The following MEX3D variants were observed in gnomAD, a reference collection of about 807,000 sequenced individuals.
MEX3D encodes the protein mex-3 RNA binding family member D, also known as RNA-binding protein MEX3D.
MEX3D carries 4 observed loss-of-function variants against 6.3 expected under a neutral mutation model. That is an observed-to-expected ratio of 0.64 (90% confidence interval 0.31 to 1.46). The LOEUF is 1.46. Among genes scored for constraint, MEX3D ranks in the 40% most tolerant of loss-of-function variants. The pLI, the probability that MEX3D is intolerant of heterozygous loss-of-function variation, is 0.07. For synonymous variants in MEX3D, 626 were observed against 494.1 expected, an observed-to-expected ratio of 1.27 and a Z score of -3.54; for missense variants, 1,038 against 994.4, an observed-to-expected ratio of 1.04 and a Z score of -0.59.
intron 1 of MEX3D, among the ~76,000 whole-genome samples, chr19:1,559,645 A>G (rs928154202): frequency 6.6e-6 from 1 of 152,226 alleles, no homozygotes; most frequent in Admixed American, 6.5e-5. Context: ...GTTTCAATAC[A>G]GTCAGAAGGT....
At position 1,567,504 on chromosome 19, in the gene MEX3D, C is replaced by T. The variant is rs1225107219; in HGVS notation, c.555G>A (p.Val185=). The T allele has an allele frequency of 1.3e-6, 2 of 1,572,814 alleles. No homozygotes were observed. Among genetic ancestry groups the T allele is most frequent in the Non-Finnish European group, 1.7e-6 (2 of 1,160,796 alleles). The change falls in exon 1 of 2, where the codon GTG becomes GTA. Residue 185 remains valine, a synonymous_variant. Coordinates refer to ENST00000402693, the MANE Select transcript of MEX3D (RefSeq NM_203304.4). The surrounding 1 kb of genome is among the most constrained non-coding windows in gnomAD (Gnocchi z 6.5). ...KSVNMTECVP[V]PSSEHVAEIV... is the part of the protein sequence containing the mutation. ...TCTCGGCGACGTGCTCGGAGCTGGG[C>T]ACCGGGACGCACTCGGTCATGTTGA...
Position 1,567,332 on chromosome 19 carries a change from G to A in MEX3D, c.595+132C>T, listed in dbSNP as rs1292021988. ...CAAAGGCGCAAAGGCAGCGGCCGAG[G>A]CCGGAGCCCACGCGGGGCGTGTCCG... On this transcript the variant is annotated intron_variant, in intron 1 of 1. Coordinates refer to ENST00000402693, the MANE Select transcript of MEX3D (RefSeq NM_203304.4). This position sits in a 1 kb window ranked among gnomAD's most constrained non-coding sequence, Gnocchi z 6.5. The A allele has an allele frequency of 3.7e-6, 4 of 1,085,314 alleles. No individual in the cohort carries two copies. The highest frequency in any genetic ancestry group is 4.8e-6 in the Non-Finnish European group (4 of 830,584). The allele number at this position is 1,085,314 out of a possible 1,614,324, so 67.2% of individuals were successfully genotyped here.
At position 1,555,504 on chromosome 19, in the gene MEX3D, G is replaced by A. The variant is rs1199625287; in HGVS notation, c.*59C>T. On this transcript the variant is annotated 3_prime_UTR_variant, in exon 2 of 2. Coordinates refer to ENST00000402693, the MANE Select transcript of MEX3D (RefSeq NM_203304.4). ...CCTCTCCCACCCCGGGTCCCGCCCC[G>A]TCTCCCGCGCCCACCCCTGGCCCCC... 1.6e-5 allele frequency: 19 copies of A among 1,210,090 alleles called. No homozygotes were observed. Among genetic ancestry groups the A allele is most frequent in the South Asian group, 1.2e-4 (9 of 73,764 alleles). 75.0% of individuals were successfully genotyped at this position (1,210,090 alleles called of 1,614,324 possible). A position where few individuals can be genotyped will look rare whatever the true frequency, so the allele number is the denominator to read the frequency against.
intron 1 of MEX3D, 140 bp from the exon 2 acceptor site, chr19:1,557,063 G>A (rs570391228): frequency 9.6e-6 from 10 of 1,044,940 alleles, no homozygotes; most frequent in African/African-American, 8.0e-5. Flanking sequence ...CCTCAGACAC[G>A]CCACGTCCCT....
Position 1,556,766 on chromosome 19 carries a change from G to A in MEX3D, c.753C>T (p.Arg251=), listed in dbSNP as rs756258702. ...LSAAEHFSII[R]ATRSKAGGLP... is the part of the protein sequence containing the mutation. The stretch of plus-strand genomic sequence containing the variant: ...GACCCCCGGCCTTGCTGCGCGTGGC[G>A]CGGATGATGGAGAAGTGTTCGGCCG... The change falls in exon 2 of 2, where the codon CGC becomes CGT. Residue 251 remains arginine, a synonymous_variant. Transcript: ENST00000402693. The surrounding 1 kb of genome is among the most constrained non-coding windows in gnomAD (Gnocchi z 7.5). 6.2e-7 allele frequency: 1 copy of A among 1,612,484 alleles called. No individual in the cohort carries two copies. The highest frequency in any genetic ancestry group is 1.7e-5 in the Admixed American group (1 of 59,998).
At chr19:1,563,824 T>G (rs1240221297) in intron 1 of MEX3D, among the ~76,000 whole-genome samples, 1 of 152,152 alleles carries the variant, frequency 6.6e-6, no homozygotes, top group Admixed American at 6.5e-5. Flanking sequence ...TGTTTTGTTT[T>G]GGAGACAGGG....
In MEX3D at chr19:1,555,784, C is replaced by T. The variant is rs1325183764; in HGVS notation, c.1735G>A (p.Gly579Ser). ...GGCTTGCGGCTGTTCTCGGAGGCGC[C>T]GGAGTCCAGGGGGGCGCAGGCGGCG... ...AAAACAPLDS[G>S]ASENSRKPPS... Residue 579 changes from glycine to serine, a missense_variant, in exon 2 of 2, where the codon GGC becomes AGC. Physicochemically the swap from Gly to Ser is moderately conservative, Grantham distance 56 (BLOSUM62 0). This residue lies in a region of MEX3D where 581 missense variants were observed against 516.2 expected (regional missense o/e 1.13). Coordinates refer to ENST00000402693, the MANE Select transcript of MEX3D (RefSeq NM_203304.4). The T allele has an allele frequency of 7.6e-6, 11 of 1,449,294 alleles. No individual in the cohort carries two copies. Among genetic ancestry groups the T allele is most frequent in the Admixed American group, 2.7e-5 (1 of 37,506 alleles). 89.8% of individuals were successfully genotyped at this position (1,449,294 alleles called of 1,614,324 possible).
chr19:1,555,804 G>A lies in MEX3D; in HGVS notation c.1715C>T (p.Ala572Val), dbSNP rs558569199. ...GGCGCCGGAGTCCAGGGGGGCGCAG[G>A]CGGCGGCCGCGGGGCTGCTGGGCAG... ...TSLPSSPAAA[A>V]CAPLDSGASE... Residue 572 changes from alanine to valine, a missense_variant, in exon 2 of 2, where the codon GCC becomes GTC. By Grantham distance (64) the Ala-to-Val change is moderately conservative. Transcript: ENST00000402693. The A allele has an allele frequency of 1.4e-6, 2 of 1,383,468 alleles. No homozygotes were observed. The highest frequency in any genetic ancestry group is 3.1e-5 in the African/African-American group (2 of 65,062). 85.7% of individuals were successfully genotyped at this position (1,383,468 alleles called of 1,614,324 possible).
chr19:1,556,796 C>T lies in MEX3D; in HGVS notation c.723G>A (p.Leu241=), dbSNP rs562847885. Residue 241 remains leucine, a synonymous_variant, in exon 2 of 2, where the codon CTG becomes CTA. Coordinates refer to ENST00000402693, the MANE Select transcript of MEX3D (RefSeq NM_203304.4). This position sits in a 1 kb window ranked among gnomAD's most constrained non-coding sequence, Gnocchi z 7.5. ...TGATGGAGAAGTGTTCGGCCGCCGA[C>T]AGGATCTCACGCTTGGCCATCTCCA... ...EDVEMAKREI[L]SAAEHFSIIR... 16 of 1,612,648 alleles carry T rather than the reference C, an allele frequency of 9.9e-6. No homozygotes were observed. In the East Asian group the frequency reaches 2.7e-4, roughly 27 times the overall value.
rs1222138217 is a variant in MEX3D, at chr19:1,555,746, G to A, written c.1773C>T (p.Ser591=). 7.9e-6 allele frequency: 12 copies of A among 1,510,900 alleles called. No homozygotes were observed. The highest frequency in any genetic ancestry group is 8.8e-6 in the Non-Finnish European group (10 of 1,136,586). 93.6% of individuals were successfully genotyped at this position (1,510,900 alleles called of 1,614,324 possible). A position where few individuals can be genotyped will look rare whatever the true frequency, so the allele number is the denominator to read the frequency against. ...ACTCTCGCGCCAGGGCCGGGGCCGA[G>A]GACGCCGAAGGGGGCTTGCGGCTGT... ...SENSRKPPSA[S]SAPALARECV... Residue 591 remains serine (S), a synonymous_variant, in exon 2 of 2, where the codon TCC becomes TCT. Coordinates refer to ENST00000402693, the MANE Select transcript of MEX3D (RefSeq NM_203304.4).
intron 1 of MEX3D, among the ~76,000 whole-genome samples, chr19:1,563,365 A>C (rs1287294082): frequency 6.6e-6 from 1 of 152,210 alleles, no homozygotes; most frequent in African/African-American, 2.4e-5. Flanking sequence ...GACAGCAGAG[A>C]GAGCGAGCCC....
In MEX3D at chr19:1,556,928, C is replaced by G; in HGVS notation, c.596-5G>C. The G allele has an allele frequency of 6.3e-7, 1 of 1,592,190 alleles. No individual in the cohort carries two copies. The highest frequency in any genetic ancestry group is 8.5e-7 in the Non-Finnish European group (1 of 1,171,184). ...GCAGGGCCTTGATCTTGCAGCCTGT[C>G]CGGGAGGGAGGGGAAGGACAAGGTG... On this transcript the variant is annotated splice_region_variant and splice_polypyrimidine_tract_variant and intron_variant, in intron 1 of 1. Transcript: ENST00000402693. This position sits in a 1 kb window ranked among gnomAD's most constrained non-coding sequence, Gnocchi z 7.5.
rs764844259 is a variant in MEX3D at position 1,556,676 on chromosome 19, G to A, written c.843C>T (p.Pro281=). Reference sequence around the variant, plus strand: ...CCACCACCAGCCCCACCACCCGGTAGGGCACGCGCACCTGGATGGTGGTCT... The same window carrying A: ...CCACCACCAGCCCCACCACCCGGTAAGGCACGCGCACCTGGATGGTGGTCT... ...PGQTTIQVRV[P]YRVVGLVVGP... is the part of the protein sequence containing the mutation. The change falls in exon 2 of 2, where the codon CCC becomes CCT. Residue 281 remains proline (P), a synonymous_variant. Coordinates refer to ENST00000402693, the MANE Select transcript of MEX3D (RefSeq NM_203304.4). The surrounding 1 kb of genome is among the most constrained non-coding windows in gnomAD (Gnocchi z 7.5). The A allele has an allele frequency of 5.6e-6, 9 of 1,610,808 alleles. No individual in the cohort carries two copies. Among genetic ancestry groups the A allele is most frequent in the Non-Finnish European group, 1.7e-6 (2 of 1,178,926 alleles).
chr19:1,557,128 C>T (rs1268994384), intron 1 of MEX3D, among the ~76,000 whole-genome samples: 6 of 152,204 alleles, frequency 3.9e-5, no homozygotes, highest in Non-Finnish European at 8.8e-5. Context: ...AAAAGCAAGA[C>T]GGCAAGGGGA....
At chr19:1,557,975 C>A (rs942390066) in intron 1 of MEX3D, among the ~76,000 whole-genome samples, 16 of 135,708 alleles carry the variant, frequency 1.2e-4, no homozygotes, top group African/African-American at 4.4e-4. Flanking sequence ...CGCCTGAACT[C>A]AGGAGGTGGA....
chr19:1,566,354 C>T lies in MEX3D; in HGVS notation c.595+1110G>A, dbSNP rs118104613. Among the ~76,000 whole-genome samples, 1,279 of 152,304 alleles carry T rather than the reference C, an allele frequency of 8.4e-3. 13 individuals carry two copies. Among genetic ancestry groups the T allele is most frequent in the Middle Eastern group, 0.017 (5 of 294 alleles). ...CACCCACCTGGACCGAGGGAAAGGGCGGAGGGGAGGGCGCCCTGGTGGTCC... is the reference window on the plus strand; with the variant it reads ...CACCCACCTGGACCGAGGGAAAGGGTGGAGGGGAGGGCGCCCTGGTGGTCC... On this transcript the variant is annotated intron_variant, in intron 1 of 1. Coordinates refer to ENST00000402693, the MANE Select transcript of MEX3D (RefSeq NM_203304.4).
Position 1,556,996 on chromosome 19 carries a change from G to A in MEX3D, c.596-73C>T. ...CAGCTCAGCCCCGCTGGGCATGCAG[G>A]CTGCAGGGCCAGTGAGGGAGCCCCT... On this transcript the variant is annotated intron_variant, in intron 1 of 1. Coordinates refer to ENST00000402693, the MANE Select transcript of MEX3D (RefSeq NM_203304.4). The surrounding 1 kb of genome is among the most constrained non-coding windows in gnomAD (Gnocchi z 7.5). 1 of 1,500,204 alleles carries A rather than the reference G, an allele frequency of 6.7e-7. No individual in the cohort carries two copies. The highest frequency in any genetic ancestry group is 1.4e-5 in the African/African-American group (1 of 71,948). The allele number at this position is 1,500,204 out of a possible 1,614,324, so 92.9% of individuals were successfully genotyped here.
intron 1 of MEX3D, among the ~76,000 whole-genome samples, chr19:1,560,019 C>G (rs1222577760): frequency 6.6e-6 from 1 of 152,230 alleles, no homozygotes; most frequent in Non-Finnish European, 1.5e-5. Context: ...GTTGGGCCTG[C>G]TCTTCTGAGT....
rs1366357272 is a variant in MEX3D, at chr19:1,555,325, G to A, written c.*238C>T. 1 of 1,598,862 alleles carries A rather than the reference G, an allele frequency of 6.3e-7. No homozygotes were observed. On this transcript the variant is annotated 3_prime_UTR_variant, in exon 2 of 2. Transcript: ENST00000402693. ...TTTTCTCTCCGGTTTATTGTAACCT[G>A]ACCACTCAATACTGTCGTTGAAGGG... is the stretch of plus-strand genomic sequence containing the variant.
Sources: gnomAD v4.1 joint callset for allele counts (sites outside exome capture counted in the v4.1 genomes callset) on GRCh38, gnomAD v4.1.1 for gene constraint, gnomAD v4.1.1 regional missense constraint, Gnocchi (gnomAD v3.1) non-coding constraint, MANE v1.5 for transcripts, NCBI Gene and HGNC (gene_info 2026-07-23, HGNC 2026-07-21) for gene names.